Variants in FBXO10 observed in about 807,000 individuals in gnomAD.
FBXO10 encodes the protein F-box protein 10.
In FBXO10, 39 loss-of-function variants were observed where a neutral mutation model predicts 80.7. The ratio of observed to expected loss-of-function variants is 0.48; its 90% CI spans 0.37 to 0.63. FBXO10 has a LOEUF of 0.63. FBXO10 is among the 30% of genes least tolerant of loss of function. The pLI is 0.00. For missense variants in FBXO10, 1,025 were observed against 1,269.0 expected, an observed-to-expected ratio of 0.81 and a Z score of 2.92; for synonymous variants, 449 against 489.6, an observed-to-expected ratio of 0.92 and a Z score of 1.09.
chr9:37,515,902 A>G lies in FBXO10; in HGVS notation c.2696+2T>C, dbSNP rs746803523. On this transcript the variant is annotated splice_donor_variant, in intron 10 of 10. Coordinates refer to ENST00000432825, the MANE Select transcript of FBXO10 (RefSeq NM_012166.3). LOFTEE classifies it high-confidence loss of function. ...CTCGTTCAGGCAACCCCAAGCACTC[A>G]CTTTTTCTTGAAGACCAGGAACTTG... 6.2e-7 allele frequency: 1 copy of G among 1,612,804 alleles called. No individual in the cohort carries two copies. Among genetic ancestry groups the G allele is most frequent in the African/African-American group, 1.3e-5 (1 of 74,754 alleles).
chr9:37,541,696 G>A lies in FBXO10; in HGVS notation c.73C>T (p.Arg25Cys). 7.4e-6 allele frequency: 12 copies of A among 1,613,858 alleles called. No homozygotes were observed. Among genetic ancestry groups the A allele is most frequent in the Non-Finnish European group, 1.0e-5 (12 of 1,179,888 alleles). Residue 25 changes from arginine to cysteine, a missense_variant, in exon 2 of 11, where the codon CGC becomes TGC. Physicochemically the swap from Arg to Cys is radical, Grantham distance 180. This residue lies in a region of FBXO10 where 450 missense variants were observed against 499.4 expected (regional missense o/e 0.90). Transcript: ENST00000432825. The part of the protein sequence containing the change: ...LAYLHLPDLG[R>C]CSLVCRAWYE... Reference sequence around the variant, plus strand: ...CAGGCCCTGCATACCAGGCTGCAGCGGCCCAGGTCGGGAAGGTGCAAGTAG... The same window carrying A: ...CAGGCCCTGCATACCAGGCTGCAGCAGCCCAGGTCGGGAAGGTGCAAGTAG...
At chr9:37,537,073 C>A in intron 3 of FBXO10, 37 bp downstream of exon 3, 1 of 1,510,390 alleles carries the variant, frequency 6.6e-7, no homozygotes, top group Non-Finnish European at 9.0e-7. Flanking sequence ...CATATAGCCA[C>A]AGGAGCCCCC....
At position 37,555,539 on chromosome 9, in the gene FBXO10, C is replaced by T. The variant is rs188013412; in HGVS notation, c.-6-13765G>A. Among the ~76,000 whole-genome samples, 38 of 152,150 alleles carry T rather than the reference C, an allele frequency of 2.5e-4. No homozygotes were observed. The East Asian group carries it at 7.0e-3, about 28-fold the overall frequency. On this transcript the variant is annotated intron_variant, in intron 1 of 10. Transcript: ENST00000432825. Reference sequence around the variant, plus strand: ...GGGATTACAGGCGCTCGCCACCATGCCCAGCTAATTTTTGTATTTTTAGTA... The same window carrying T: ...GGGATTACAGGCGCTCGCCACCATGTCCAGCTAATTTTTGTATTTTTAGTA...
At chr9:37,522,323 A>C (rs554356805) in intron 7 of FBXO10, 1 of 997,094 alleles carries the variant, frequency 1.0e-6, no homozygotes, top group South Asian at 4.5e-5. Flanking sequence ...GTGATCATGC[A>C]TAGAAAGGGC....
chr9:37,574,662 C>T (rs1786427456), intron 1 of FBXO10, among the ~76,000 whole-genome samples: 1 of 152,166 alleles, frequency 6.6e-6, no homozygotes, highest in Admixed American at 6.5e-5. Context: ...TCAGGCCTCT[C>T]TGTGTGCTCC....
Position 37,537,676 on chromosome 9 carries a change from G to A in FBXO10, c.853C>T (p.Pro285Ser). ...GLIKSSPTFL[P>S]TEDSDFLMSL... ...ATTAAAAAGTCAGAGTCCTCTGTGG[G>A]GAGAAAAGTGGGTGAGGACTTGATA... The change falls in exon 3 of 11, where the codon CCC becomes TCC. Residue 285 changes from proline (P) to serine (S), a missense_variant. By Grantham distance (74) the Pro-to-Ser change is moderately conservative (BLOSUM62 -1). Around this residue, in one of 3 missense-constraint regions of FBXO10, gnomAD observed 450 missense variants for 499.4 expected, o/e 0.90. Transcript: ENST00000432825. The A allele has an allele frequency of 2.5e-6, 4 of 1,614,008 alleles. No individual in the cohort carries two copies. The highest frequency in any genetic ancestry group is 3.4e-6 in the Non-Finnish European group (4 of 1,179,906).
At chr9:37,558,830 G>C (rs1359052171) in intron 1 of FBXO10, among the ~76,000 whole-genome samples, 1 of 147,650 alleles carries the variant, frequency 6.8e-6, no homozygotes, top group East Asian at 2.0e-4. Flanking sequence ...TTTTTTTTGA[G>C]ATGGAGTTTC....
rs1458639047 is a variant in FBXO10, at chr9:37,532,041, G to A, written c.1437C>T (p.Asn479=). The A allele has an allele frequency of 4.3e-6, 7 of 1,613,454 alleles. No individual in the cohort carries two copies. The highest frequency in any genetic ancestry group is 3.3e-5 in the South Asian group (3 of 91,058). ...CTGACGCTCGGCAGCGGTAAATGTC[G>A]TTCCTGAGCATGATGATCTAAGCAG... The part of the protein sequence containing the change: ...IHNSKIIMLR[N]DIYRCRASGI... The change falls in exon 4 of 11, where the codon AAC becomes AAT. Residue 479 remains asparagine, a synonymous_variant. Coordinates refer to ENST00000432825, the MANE Select transcript of FBXO10 (RefSeq NM_012166.3).
rs1822005044 is a variant in FBXO10 at position 37,544,601 on chromosome 9, C to T, written c.-6-2827G>A. On this transcript the variant is annotated intron_variant, in intron 1 of 10. Coordinates refer to ENST00000432825, the MANE Select transcript of FBXO10 (RefSeq NM_012166.3). Reference sequence around the variant, plus strand: ...TGTCTGATTATGTCTGGAAGAAATGCTGAGCTTCCTCAAGACTGGCGTGGC... The same window carrying T: ...TGTCTGATTATGTCTGGAAGAAATGTTGAGCTTCCTCAAGACTGGCGTGGC... Among the ~76,000 whole-genome samples the T allele has an allele frequency of 2.0e-5, 3 of 152,186 alleles. No homozygotes were observed. In the South Asian group the frequency reaches 6.2e-4, roughly 31 times the overall value.
At chr9:37,570,461 T>G (rs1415864794) in intron 1 of FBXO10, among the ~76,000 whole-genome samples, 6 of 151,888 alleles carry the variant, frequency 4.0e-5, no homozygotes, top group African/African-American at 1.5e-4. Flanking sequence ...AACATCAATT[T>G]CAAGAAGTCA....
At chr9:37,522,595 G>T in intron 7 of FBXO10, 1 of 1,291,890 alleles carries the variant, frequency 7.7e-7, no homozygotes, top group Non-Finnish European at 1.0e-6. Flanking sequence ...TATTTTAAAA[G>T]GGGATAAAGC....
At position 37,537,952 on chromosome 9, in the gene FBXO10, T is replaced by A. The variant is rs1245569961; in HGVS notation, c.586-9A>T. The A allele has an allele frequency of 6.2e-7, 1 of 1,608,690 alleles. No homozygotes were observed. ...ACGTGACCTGATGTTGTCTGGGGAATGAAAAGAAGAAAACGGCTGTAAGAG... is the reference window on the plus strand; with the variant it reads ...ACGTGACCTGATGTTGTCTGGGGAAAGAAAAGAAGAAAACGGCTGTAAGAG... On this transcript the variant is annotated splice_polypyrimidine_tract_variant and intron_variant, in intron 2 of 10. Coordinates refer to ENST00000432825, the MANE Select transcript of FBXO10 (RefSeq NM_012166.3).
intron 1 of FBXO10, among the ~76,000 whole-genome samples, chr9:37,557,278 A>G (rs1320592734): frequency 6.6e-6 from 1 of 151,868 alleles, no homozygotes; most frequent in Non-Finnish European, 1.5e-5. Flanking sequence ...ACTCTCACGT[A>G]ACTCACTCTT....
chr9:37,550,630 C>A (rs948320272), intron 1 of FBXO10, among the ~76,000 whole-genome samples: 2 of 151,842 alleles, frequency 1.3e-5, no homozygotes, highest in African/African-American at 4.8e-5. Flanking sequence ...CAGGCCTGCA[C>A]CACACACCTG....
intron 1 of FBXO10, among the ~76,000 whole-genome samples, chr9:37,548,898 G>A (rs773050302): frequency 2.6e-5 from 4 of 152,044 alleles, no homozygotes; most frequent in South Asian, 4.1e-4. Context: ...ACAGGCGCCC[G>A]CCACCACGCC....
chr9:37,537,723 G>A lies in FBXO10; in HGVS notation c.806C>T (p.Ala269Val). ...EGHPSADKNW[A>V]YKYLLGLIKS... is the part of the protein sequence containing the mutation. ...GATAAGCCCTAGTAGATACTTGTAG[G>A]CCCAGTTCTTATCTGCAGATGGGTG... The change falls in exon 3 of 11, where the codon GCC becomes GTC. Residue 269 changes from alanine (A) to valine (V), a missense_variant. Transcript: ENST00000432825. 9 of 1,613,996 alleles carry A rather than the reference G, an allele frequency of 5.6e-6. No homozygotes were observed. Among genetic ancestry groups the A allele is most frequent in the Non-Finnish European group, 7.6e-6 (9 of 1,179,878 alleles).
At chr9:37,555,859 ATT>A (rs1822321563) in intron 1 of FBXO10, among the ~76,000 whole-genome samples, 1 of 152,054 alleles carries the variant, frequency 6.6e-6, no homozygotes, top group South Asian at 2.1e-4. Flanking sequence ...CTAACTTACC[ATT>A]TCTTTCTTTT....
At chr9:37,543,074 G>A (rs1022411125) in intron 1 of FBXO10, among the ~76,000 whole-genome samples, 2 of 152,186 alleles carry the variant, frequency 1.3e-5, no homozygotes, top group Admixed American at 6.5e-5. Context: ...ACGTGGGGCA[G>A]CCCCAGGACA....
Position 37,541,169 on chromosome 9 carries a change from G to C in FBXO10, c.585+15C>G, listed in dbSNP as rs373944971. The stretch of plus-strand genomic sequence containing the variant: ...GTCAGAACTAGAAAGGCCGTCTATT[G>C]ATGTGGATACCCACCTTATACATGA... On this transcript the variant is annotated intron_variant, in intron 2 of 10. Transcript: ENST00000432825. The C allele has an allele frequency of 1.3e-6, 2 of 1,570,522 alleles. No homozygotes were observed. The highest frequency in any genetic ancestry group is 2.7e-5 in the African/African-American group (2 of 73,608).
Sources: allele counts gnomAD v4.1 joint callset (sites outside exome capture counted in the v4.1 genomes callset), GRCh38; gene constraint gnomAD v4.1.1; regional missense constraint gnomAD v4.1.1; transcripts MANE v1.5; gene names NCBI Gene and HGNC (gene_info 2026-07-23, HGNC 2026-07-21).